The following PRKG1 variants were observed in gnomAD, a reference collection of about 807,000 sequenced individuals.
PRKG1 encodes cGMP-dependent protein kinase 1.
Under a neutral mutation model 88.1 loss-of-function variants are expected in PRKG1, and 35 were observed. The observed-to-expected ratio is 0.40, with a 90% CI of 0.30 to 0.53. The LOEUF is 0.53. Among genes scored for constraint, PRKG1 ranks in the 20% least tolerant of loss-of-function variants. PRKG1 has a pLI of 0.59. For synonymous variants in PRKG1, 303 were observed against 292.5 expected (o/e 1.04, Z -0.37); for missense variants, 540 against 839.8 (o/e 0.64, Z 4.41).
At chr10:51,789,689 T>C (rs1838817024) in intron 3 of PRKG1, among the ~76,000 whole-genome samples, 1 of 152,142 alleles carries the variant, frequency 6.6e-6, no homozygotes, top group Non-Finnish European at 1.5e-5. Context: ...AGCAAACATT[T>C]ATAGCCTTTA....
At chr10:51,560,980 C>T in intron 3 of PRKG1, among the ~76,000 whole-genome samples, 1 of 151,746 alleles carries the variant, frequency 6.6e-6, no homozygotes, top group East Asian at 1.9e-4. Flanking sequence ...GGCAAGGTGG[C>T]TCATGCCTGT....
At position 51,782,067 on chromosome 10, in the gene PRKG1, T is replaced by A. The variant is rs545285424; in HGVS notation, c.593-22518T>A. 1.1e-4 allele frequency among the ~76,000 whole-genome samples: 16 copies of A among 152,136 alleles called. No individual in the cohort carries two copies. The East Asian group carries it at 3.1e-3, about 29-fold the overall frequency. ...AAAAAATGCAATAGCAATAGAGAGA[T>A]GAAGAATTCTATTAAATCAAGTATT... On this transcript the variant is annotated intron_variant, in intron 3 of 17. Transcript: ENST00000373980.
intron 5 of PRKG1, among the ~76,000 whole-genome samples, chr10:51,926,118 G>A (rs76586644): frequency 0.02 from 3,113 of 152,142 alleles, 51 homozygotes; most frequent in Non-Finnish European, 0.031. Flanking sequence ...ACATCTTTCT[G>A]AGCATATTAG....
At chr10:51,633,496 G>A (rs1839578936) in intron 3 of PRKG1, among the ~76,000 whole-genome samples, 1 of 152,048 alleles carries the variant, frequency 6.6e-6, no homozygotes, top group African/African-American at 2.4e-5. Flanking sequence ...TCCTGGTGAA[G>A]CTTTTGTTTT....
intron 1 of PRKG1, among the ~76,000 whole-genome samples, chr10:51,054,062 A>G (rs1156516329): frequency 1.3e-5 from 2 of 151,808 alleles, no homozygotes; most frequent in East Asian, 1.9e-4. Flanking sequence ...TTTTTTTTCT[A>G]ATTGGCAATA....
At chr10:51,560,782 T>C (rs532685324) in intron 3 of PRKG1, among the ~76,000 whole-genome samples, 5 of 152,206 alleles carry the variant, frequency 3.3e-5, no homozygotes, top group Admixed American at 1.3e-4. Context: ...GCCATATTAA[T>C]TCGTAAGAAA....
chr10:51,060,840 C>T (rs561051616), intron 1 of PRKG1, among the ~76,000 whole-genome samples: 1 of 152,072 alleles, frequency 6.6e-6, no homozygotes, highest in African/African-American at 2.4e-5. Flanking sequence ...ACCTATTTAC[C>T]TTTATTTTCA....
chr10:51,381,354 G>GTGAA (rs999321067), intron 2 of PRKG1, among the ~76,000 whole-genome samples: 2 of 145,448 alleles, frequency 1.4e-5, no homozygotes, highest in Non-Finnish European at 3.0e-5. Context: ...AAATGAGTGA[G>GTGAA]TGAATGAATG....
At chr10:51,134,557 C>G (rs546344730) in intron 1 of PRKG1, among the ~76,000 whole-genome samples, 1 of 152,236 alleles carries the variant, frequency 6.6e-6, no homozygotes, top group South Asian at 2.1e-4. Context: ...GAAAGTTGAG[C>G]ACAAATGGCC....
chr10:51,256,979 A>G (rs967192243), intron 2 of PRKG1, among the ~76,000 whole-genome samples: 3 of 152,182 alleles, frequency 2.0e-5, no homozygotes, highest in Non-Finnish European at 4.4e-5. Flanking sequence ...CTAAGTATAA[A>G]TAAAAATTCA....
chr10:51,756,599 A>G (rs1837871325), intron 3 of PRKG1, among the ~76,000 whole-genome samples: 1 of 151,882 alleles, frequency 6.6e-6, no homozygotes, highest in African/African-American at 2.4e-5. Flanking sequence ...GCGGATAACG[A>G]GGTCAGGAGA....
At chr10:52,028,563 T>C (rs575000215) in intron 5 of PRKG1, among the ~76,000 whole-genome samples, 2 of 152,250 alleles carry the variant, frequency 1.3e-5, no homozygotes, top group Non-Finnish European at 2.9e-5. Flanking sequence ...CTCATTGTTC[T>C]GTATAACATG....
chr10:51,929,939 T>C (rs1439563208), intron 5 of PRKG1, among the ~76,000 whole-genome samples: 1 of 152,182 alleles, frequency 6.6e-6, no homozygotes. Flanking sequence ...TAAAGTTGGC[T>C]TCCACATAGA....
chr10:51,051,169 A>C (rs971249756), intron 1 of PRKG1, among the ~76,000 whole-genome samples: 2 of 152,072 alleles, frequency 1.3e-5, no homozygotes, highest in African/African-American at 4.8e-5. Flanking sequence ...GTTTGACAGA[A>C]TCCTGCTTGT....
intron 8 of PRKG1, among the ~76,000 whole-genome samples, chr10:52,153,126 T>G (rs1256842772): frequency 6.6e-6 from 1 of 152,182 alleles, no homozygotes; most frequent in Non-Finnish European, 1.5e-5. Context: ...GGATCTGTGC[T>G]TAAGGACCAG....
intron 7 of PRKG1, among the ~76,000 whole-genome samples, chr10:52,100,223 G>C (rs149330775): frequency 1.3e-5 from 2 of 152,086 alleles, no homozygotes; most frequent in Non-Finnish European, 2.9e-5. Flanking sequence ...GCCAAGGAAG[G>C]GCTTGCTAGT....
intron 2 of PRKG1, among the ~76,000 whole-genome samples, chr10:51,154,719 C>T (rs187489843): frequency 1.1e-4 from 17 of 151,898 alleles, no homozygotes; most frequent in African/African-American, 3.9e-4. Flanking sequence ...TCTATGTCAA[C>T]AATATAAAAT....
At chr10:51,536,960 A>G (rs537903448) in intron 3 of PRKG1, among the ~76,000 whole-genome samples, 1 of 151,798 alleles carries the variant, frequency 6.6e-6, no homozygotes, top group Non-Finnish European at 1.5e-5. Flanking sequence ...TGTACTTCCT[A>G]TGTTTTCTTC....
intron 4 of PRKG1, among the ~76,000 whole-genome samples, chr10:51,846,075 A>T (rs908963995): frequency 6.6e-6 from 1 of 152,150 alleles, no homozygotes; most frequent in East Asian, 1.9e-4. Flanking sequence ...ATGGGCAGCC[A>T]AATGCCCCCA....
Sources: gnomAD v4.1 joint callset for allele counts (sites outside exome capture counted in the v4.1 genomes callset) on GRCh38, gnomAD v4.1.1 for gene constraint, MANE v1.5 for transcripts, NCBI Gene and HGNC (gene_info 2026-07-23, HGNC 2026-07-21) for gene names.